Variants in TXLNB observed in about 807,000 individuals in gnomAD.
TXLNB encodes the protein taxilin beta.
In TXLNB, 37 loss-of-function variants were observed where a neutral mutation model predicts 57.4. That is an observed-to-expected ratio of 0.64 (90% confidence interval 0.50 to 0.85). The LOEUF (loss-of-function observed/expected upper bound fraction) is 0.85. Ranked by LOEUF, TXLNB falls within the 40% of genes least tolerant of loss-of-function variation. The pLI is 0.00. For synonymous variants in TXLNB, 302 were observed against 309.6 expected (o/e 0.98, Z 0.26); for missense variants, 848 against 825.6 (o/e 1.03, Z -0.33).
the TXLNB span, among the ~76,000 whole-genome samples, chr6:139,225,525 G>A: frequency 3.3e-5 from 5 of 151,902 alleles, no homozygotes; most frequent in Admixed American, 1.3e-4. Context: ...TTTGTATATC[G>A]GCAGCAAACA....
the TXLNB span, chr6:139,178,249 C>CAT: frequency 6.6e-6 from 1 of 152,140 alleles, no homozygotes; most frequent in Admixed American, 6.5e-5. Context: ...AAAGGATGAT[C>CAT]ATATATATAG....
At position 139,244,582 on chromosome 6, in the gene TXLNB, G is replaced by C; in HGVS notation, c.1266+13C>G. The C allele has an allele frequency of 6.3e-7, 1 of 1,586,520 alleles. No individual in the cohort carries two copies. The highest frequency in any genetic ancestry group is 8.7e-7 in the Non-Finnish European group (1 of 1,154,970). ...GACAGAGGGGATTAAAGCTAAGGGAGAAACTTCCTCACCTCTTCAATCATG... is the reference window on the plus strand; with the variant it reads ...GACAGAGGGGATTAAAGCTAAGGGACAAACTTCCTCACCTCTTCAATCATG... On this transcript the variant is annotated intron_variant, in intron 9 of 9. Transcript: ENST00000358430.
At chr6:139,321,974 T>A in the TXLNB span, among the ~76,000 whole-genome samples, 5 of 151,712 alleles carry the variant, frequency 3.3e-5, no homozygotes, top group African/African-American at 9.7e-5. Context: ...TAATTTTTTT[T>A]TTTTTAAGAT....
chr6:139,171,787 C>T, the TXLNB span, among the ~76,000 whole-genome samples: 5 of 151,680 alleles, frequency 3.3e-5, no homozygotes. Flanking sequence ...CCACCACACT[C>T]GGCTTATTTA....
intron 3 of TXLNB, among the ~76,000 whole-genome samples, chr6:139,273,891 A>G (rs1776829746): frequency 6.6e-6 from 1 of 152,246 alleles, no homozygotes; most frequent in South Asian, 2.1e-4. Context: ...AAAAATACAC[A>G]TTCCCTGCCC....
At chr6:139,296,511 C>A (rs139471998), upstream of TXLNB, among the ~76,000 whole-genome samples, 908 of 152,126 alleles carry the variant, frequency 6.0e-3, 1 homozygote, top group Middle Eastern at 0.01. Flanking sequence ...TGATGTAGAT[C>A]TTTTTTTCAT....
the TXLNB span, among the ~76,000 whole-genome samples, chr6:139,301,532 T>C: frequency 6.6e-6 from 1 of 152,166 alleles, no homozygotes; most frequent in Non-Finnish European, 1.5e-5. Context: ...AAATCTTCTA[T>C]AGATGGTCTG....
chr6:139,309,000 G>A, the TXLNB span, among the ~76,000 whole-genome samples: 1 of 152,298 alleles, frequency 6.6e-6, no homozygotes, highest in African/African-American at 2.4e-5. Flanking sequence ...AGGTAAAGAG[G>A]AGCATGCATT....
At chr6:139,176,060 C>T in the TXLNB span, among the ~76,000 whole-genome samples, 7 of 152,180 alleles carry the variant, frequency 4.6e-5, no homozygotes, top group Admixed American at 6.5e-5. The surrounding 1 kb of genome is among the most constrained non-coding windows in gnomAD (Gnocchi z 4.5). Context: ...AGTGTGAAGA[C>T]GGGTTTGCTC....
the TXLNB span, among the ~76,000 whole-genome samples, chr6:139,298,757 T>C: frequency 6.6e-6 from 1 of 152,066 alleles, no homozygotes; most frequent in East Asian, 1.9e-4. Flanking sequence ...CCCCTCAGAG[T>C]CTCATGTAGA....
upstream of TXLNB, among the ~76,000 whole-genome samples, chr6:139,296,614 C>A (rs1777394463): frequency 6.6e-6 from 1 of 152,138 alleles, no homozygotes. Context: ...CCCTTGTCCT[C>A]CTCTGAGCCT....
the TXLNB span, chr6:139,203,555 T>C: frequency 6.6e-6 from 1 of 152,260 alleles, no homozygotes; most frequent in Non-Finnish European, 1.5e-5. Flanking sequence ...AATGTACTCT[T>C]CTGGCTTTTT....
intron 7 of TXLNB, among the ~76,000 whole-genome samples, chr6:139,249,123 T>C (rs530552758): frequency 3.2e-4 from 49 of 152,358 alleles, no homozygotes; most frequent in South Asian, 2.5e-3. Flanking sequence ...CATGGAGATA[T>C]AGCGAGGAGC....
upstream of TXLNB, among the ~76,000 whole-genome samples, chr6:139,293,076 G>A (rs940891906): frequency 6.6e-6 from 1 of 152,070 alleles, no homozygotes; most frequent in African/African-American, 2.4e-5. Context: ...TACTGGGTGG[G>A]TTCAATGTAA....
the TXLNB span, among the ~76,000 whole-genome samples, chr6:139,211,699 T>C: frequency 1.3e-5 from 2 of 152,166 alleles, no homozygotes; most frequent in African/African-American, 4.8e-5. Flanking sequence ...AGGAGGAAGT[T>C]TGAACCAATG....
At chr6:139,295,369 C>T (rs7753082), upstream of TXLNB, among the ~76,000 whole-genome samples, 1,645 of 152,248 alleles carry the variant, frequency 0.011, 25 homozygotes, top group African/African-American at 0.037. Flanking sequence ...ACAAATTACA[C>T]GTCTAAGGCT....
chr6:139,167,068 C>T, the TXLNB span: 5 of 1,614,078 alleles, frequency 3.1e-6, no homozygotes, highest in Admixed American at 8.3e-5. Flanking sequence ...TCTCCGAACT[C>T]CTCACTCACA....
chr6:139,256,592 T>A (rs919920463), intron 6 of TXLNB, among the ~76,000 whole-genome samples: 12 of 152,264 alleles, frequency 7.9e-5, no homozygotes, highest in Admixed American at 2.0e-4. Flanking sequence ...CCTCCCAAAG[T>A]GCTGGGATCA....
the TXLNB span, among the ~76,000 whole-genome samples, chr6:139,206,529 G>T: frequency 6.6e-6 from 1 of 152,114 alleles, no homozygotes; most frequent in Non-Finnish European, 1.5e-5. Context: ...TTAGCCAGGC[G>T]TGGTGGCATG....
Sources: gnomAD v4.1 joint callset for allele counts (sites outside exome capture counted in the v4.1 genomes callset) on GRCh38, gnomAD v4.1.1 for gene constraint, Gnocchi (gnomAD v3.1) non-coding constraint, MANE v1.5 for transcripts, NCBI Gene and HGNC (gene_info 2026-07-23, HGNC 2026-07-21) for gene names.